Variants in PCDHA2 observed in about 807,000 individuals in gnomAD.
PCDHA2 encodes protocadherin alpha 2.
PCDHA2 carries 58 observed loss-of-function variants against 66.0 expected under a neutral mutation model. That is an observed-to-expected ratio of 0.88 (90% CI 0.71 to 1.09). The LOEUF is 1.09. Among genes scored for constraint, PCDHA2 ranks in the 50% least tolerant of loss-of-function variants. The pLI is 0.00. For synonymous variants in PCDHA2, 634 were observed against 554.0 expected, an observed-to-expected ratio of 1.14 and a Z score of -2.03; for missense variants, 1,267 against 1,242.3, an observed-to-expected ratio of 1.02 and a Z score of -0.30.
intron 3 of PCDHA2, among the ~76,000 whole-genome samples, chr5:141,005,701 CAAAAAAAAAAAAAAAAA>C (rs59860837): frequency 2.6e-4 from 2 of 7,786 alleles, no homozygotes; most frequent in East Asian, 6.3e-3. Flanking sequence ...AACTCCGTCT[CAAAAAAAAAAAAAAAAA>C]AAAAAAAAAA....
rs782469778 is a variant in PCDHA2 at position 140,882,968 on chromosome 5, G to A, written c.2388+85616G>A. The A allele has an allele frequency of 3.7e-6, 6 of 1,614,028 alleles. No homozygotes were observed. The African/African-American group carries it at 8.0e-5, about 22-fold the overall frequency. ...AGTTCAGCTGCTCATCACGATTCTGGACGTGAATGACAACGCCCCGGAATT... is the reference window on the plus strand; with the variant it reads ...AGTTCAGCTGCTCATCACGATTCTGAACGTGAATGACAACGCCCCGGAATT... On this transcript the variant is annotated intron_variant, in intron 1 of 3. Transcript: ENST00000526136.
intron 1 of PCDHA2, chr5:140,870,864 C>A (rs782241816): frequency 5.6e-6 from 9 of 1,613,934 alleles, no homozygotes; most frequent in Non-Finnish European, 7.6e-6. Context: ...TGGGTGCGGG[C>A]CACGTGGTGG....
At position 140,842,876 on chromosome 5, in the gene PCDHA2, G is replaced by C. The variant is rs78119592; in HGVS notation, c.2388+45524G>C. On this transcript the variant is annotated intron_variant, in intron 1 of 3. Coordinates refer to ENST00000526136, the MANE Select transcript of PCDHA2 (RefSeq NM_018905.3). ...GCACACGGAGAGCGGCAAGGTGTAC[G>C]CGCTGCAGCCGCTGGACCACGAGGA... The C allele has an allele frequency of 5.6e-6, 9 of 1,593,878 alleles. 1 individual carries two copies. Among genetic ancestry groups the C allele is most frequent in the Non-Finnish European group, 7.7e-6 (9 of 1,165,430 alleles).
intron 3 of PCDHA2, among the ~76,000 whole-genome samples, chr5:140,988,486 T>C (rs2153874124): frequency 6.6e-6 from 1 of 152,286 alleles, no homozygotes; most frequent in South Asian, 2.1e-4. Context: ...TAGCATCCCC[T>C]ACCTAGGAGA....
At chr5:140,895,525 T>G (rs1172545825) in intron 1 of PCDHA2, among the ~76,000 whole-genome samples, 1 of 152,196 alleles carries the variant, frequency 6.6e-6, no homozygotes, top group Non-Finnish European at 1.5e-5. Context: ...GGTTTATTCG[T>G]TTTTCAATTG....
At chr5:140,832,592 C>A (rs1300587314) in intron 1 of PCDHA2, among the ~76,000 whole-genome samples, 1 of 152,174 alleles carries the variant, frequency 6.6e-6, no homozygotes, top group Non-Finnish European at 1.5e-5. Context: ...AAGTAGAGAA[C>A]TATAGCGTTG....
intron 1 of PCDHA2, among the ~76,000 whole-genome samples, chr5:140,905,770 C>T (rs1402548672): frequency 6.6e-6 from 1 of 151,878 alleles, no homozygotes; most frequent in African/African-American, 2.4e-5. Flanking sequence ...AAGTATATTC[C>T]GAAGTGTATT....
chr5:140,849,319 G>A, intron 1 of PCDHA2: 1 of 1,331,850 alleles, frequency 7.5e-7, no homozygotes, highest in Non-Finnish European at 1.0e-6. Flanking sequence ...GGCTTGAATG[G>A]GGATATTATT....
intron 1 of PCDHA2, chr5:140,828,112 T>C (rs970956452): frequency 6.2e-7 from 1 of 1,611,926 alleles, no homozygotes; most frequent in Non-Finnish European, 8.5e-7. Flanking sequence ...CCCCGGAGGA[T>C]AGATTGGGAA....
In PCDHA2 at chr5:140,893,987, T is replaced by C. The variant is rs112405686; in HGVS notation, c.2389-84962T>C. Among the ~76,000 whole-genome samples, 507 of 152,320 alleles carry C rather than the reference T, an allele frequency of 3.3e-3. 2 individuals carry two copies. The highest frequency in any genetic ancestry group is 0.012 in the African/African-American group (487 of 41,562). ...TAGATACTTTTATAATTTTAAAATA[T>C]CTCCAATTGTATGGTTGGTTCAAAT... is the stretch of plus-strand genomic sequence containing the variant. On this transcript the variant is annotated intron_variant, in intron 1 of 3. Transcript: ENST00000526136.
intron 1 of PCDHA2, chr5:140,801,430 A>T (rs1762706585): frequency 2.5e-6 from 4 of 1,613,746 alleles, no homozygotes; most frequent in Non-Finnish European, 3.4e-6. Flanking sequence ...CTGGAGGTAA[A>T]TCTGCAGAAT....
At chr5:140,856,729 G>A (rs1554149028) in intron 1 of PCDHA2, 1 of 1,595,444 alleles carries the variant, frequency 6.3e-7, no homozygotes, top group African/African-American at 1.3e-5. Flanking sequence ...CTGTTTCTCT[G>A]CTGATCCTGG....
intron 1 of PCDHA2, chr5:140,852,192 T>C: frequency 1.4e-6 from 1 of 716,718 alleles, no homozygotes; most frequent in Non-Finnish European, 1.8e-6. Context: ...AAAATGCCAG[T>C]AACGTTTATT....
rs782339436 is a variant in PCDHA2, at chr5:140,928,591, G to A, written c.2389-50358G>A. The A allele has an allele frequency of 3.1e-6, 5 of 1,614,230 alleles. No individual in the cohort carries two copies. The South Asian group carries it at 5.5e-5, about 18-fold the overall frequency. ...CTTGCCCAGAAATGGTTCTGTCCCA[G>A]TGGAAATTGTGCCCCGCTCTGCCAG... On this transcript the variant is annotated intron_variant, in intron 1 of 3. Coordinates refer to ENST00000526136, the MANE Select transcript of PCDHA2 (RefSeq NM_018905.3).
chr5:140,955,030 A>T (rs1453200706), intron 1 of PCDHA2, among the ~76,000 whole-genome samples: 2 of 152,312 alleles, frequency 1.3e-5, no homozygotes, highest in African/African-American at 4.8e-5. Context: ...TTAAATAGGG[A>T]ATCTTTTCCT....
chr5:140,803,871 A>T (rs1235800648), intron 1 of PCDHA2: 2 of 556,930 alleles, frequency 3.6e-6, no homozygotes, highest in Non-Finnish European at 6.3e-6. Flanking sequence ...TAAGACAAAT[A>T]TTTTTTCTTA....
chr5:140,868,182 A>T (rs565452965), intron 1 of PCDHA2: 1 of 152,260 alleles, frequency 6.6e-6, no homozygotes, highest in African/African-American at 2.4e-5. Context: ...ATCTCATATT[A>T]TGCTACTATG....
At chr5:140,917,287 G>A (rs190210744) in intron 1 of PCDHA2, among the ~76,000 whole-genome samples, 51 of 147,686 alleles carry the variant, frequency 3.5e-4, no homozygotes, top group Admixed American at 7.7e-4. Flanking sequence ...ACGCTTTTCC[G>A]TGTGCAGATA....
chr5:140,888,446 A>G (rs1411131603), intron 1 of PCDHA2, among the ~76,000 whole-genome samples: 3 of 152,190 alleles, frequency 2.0e-5, no homozygotes, highest in Non-Finnish European at 2.9e-5. Context: ...GCCCAACAAT[A>G]AAGAATTAGC....
Sources: allele counts gnomAD v4.1 joint callset (sites outside exome capture counted in the v4.1 genomes callset), GRCh38; gene constraint gnomAD v4.1.1; transcripts MANE v1.5; gene names NCBI Gene and HGNC (gene_info 2026-07-23, HGNC 2026-07-21).